The following ALS2 variants were observed in gnomAD, a reference collection of about 807,000 sequenced individuals.
The protein encoded by ALS2 is alsin Rho guanine nucleotide exchange factor ALS2, also known as alsin.
A neutral mutation model predicts 203.4 loss-of-function variants in ALS2; 117 were observed. The ratio of observed to expected loss-of-function variants is 0.58; its 90% CI spans 0.50 to 0.67. The LOEUF is 0.67. Among genes scored for constraint, ALS2 ranks in the 30% least tolerant of loss-of-function variants. The pLI, the probability that ALS2 is intolerant of heterozygous loss-of-function variation, is 0.00. For synonymous variants in ALS2, 718 were observed against 725.9 expected, an observed-to-expected ratio of 0.99 and a Z score of 0.17; for missense variants, 1,715 against 1,989.4, an observed-to-expected ratio of 0.86 and a Z score of 2.62.
intron 12 of ALS2, among the ~76,000 whole-genome samples, chr2:201,736,015 T>C (rs968682900): frequency 2.0e-5 from 3 of 152,158 alleles, no homozygotes; most frequent in Non-Finnish European, 2.9e-5. Flanking sequence ...TGATTCAGCA[T>C]TTCACCAACA....
chr2:201,763,557 T>C (rs6435104), intron 3 of ALS2: 295,324 of 322,802 alleles, frequency 0.91, 135,685 homozygotes, highest in East Asian at 1. Flanking sequence ...ACCCAGGCTC[T>C]AGCTGTGGCT....
chr2:201,776,205 G>C (rs1336785812), intron 1 of ALS2, among the ~76,000 whole-genome samples: 1 of 152,210 alleles, frequency 6.6e-6, no homozygotes. Context: ...ACTCAGAGAA[G>C]TGTTCCTTTC....
intron 1 of ALS2, among the ~76,000 whole-genome samples, chr2:201,773,283 G>A (rs193071200): frequency 1.5e-3 from 226 of 152,196 alleles, no homozygotes; most frequent in Middle Eastern, 6.8e-3. Flanking sequence ...ATACTCCATC[G>A]GCTCATCTTC....
chr2:201,705,737 T>G (rs986487341), intron 29 of ALS2, among the ~76,000 whole-genome samples: 1 of 152,100 alleles, frequency 6.6e-6, no homozygotes, highest in Non-Finnish European at 1.5e-5. Flanking sequence ...TACTGAATTA[T>G]TCCACTGAAA....
Position 201,761,829 on chromosome 2 carries a change from A to G in ALS2, c.176-11T>C. 1 of 1,612,866 alleles carries G rather than the reference A, an allele frequency of 6.2e-7. No individual in the cohort carries two copies. The highest frequency in any genetic ancestry group is 8.5e-7 in the Non-Finnish European group (1 of 1,179,802). On this transcript the variant is annotated splice_polypyrimidine_tract_variant and intron_variant, in intron 3 of 33. Coordinates refer to ENST00000264276, the MANE Select transcript of ALS2 (RefSeq NM_020919.4). The stretch of plus-strand genomic sequence containing the variant: ...TGTAGACCTCACCATCTGAAGGTTA[A>G]AAAAAAGAAAAAAGAAAAAAAAAAG...
rs1323252803 is a variant in ALS2, at chr2:201,746,691, A to T, written c.1873T>A (p.Leu625Ile). The T allele has an allele frequency of 2.5e-6, 4 of 1,614,134 alleles. No individual in the cohort carries two copies. The highest frequency in any genetic ancestry group is 3.4e-6 in the Non-Finnish European group (4 of 1,180,028). Reference sequence around the variant, plus strand: ...GGCTGGAAGTCTTCTGTATCCACTAAAAACAGGGAATAATCCCTGCCTGCA... The same window carrying T: ...GGCTGGAAGTCTTCTGTATCCACTATAAACAGGGAATAATCCCTGCCTGCA... Reference protein sequence around the residue: ...IAAGRDYSLFLVDTEDFQPGL... With the variant: ...IAAGRDYSLFIVDTEDFQPGL... Residue 625 changes from leucine (L) to isoleucine (I), a missense_variant, in exon 9 of 34, where the codon TTA (leucine) becomes ATA (isoleucine). Coordinates refer to ENST00000264276, the MANE Select transcript of ALS2 (RefSeq NM_020919.4).
At chr2:201,708,073 T>C in intron 27 of ALS2, 82 bp from the exon 28 acceptor site, 1 of 1,339,738 alleles carries the variant, frequency 7.5e-7, no homozygotes, top group East Asian at 2.4e-5. Flanking sequence ...CCATTAGTTA[T>C]GAGAGCAAGC....
chr2:201,727,756 A>C lies in ALS2; in HGVS notation c.2861T>G (p.Phe954Cys). The C allele has an allele frequency of 6.4e-7, 1 of 1,551,700 alleles. No homozygotes were observed. Among genetic ancestry groups the C allele is most frequent in the Non-Finnish European group, 8.7e-7 (1 of 1,146,994 alleles). Reference sequence around the variant, plus strand: ...CTCTGCCCACAGCGTGGCCAGAGGGAAAACATGGTGCGTGGAGAACTGAAA... The same window carrying C: ...CTCTGCCCACAGCGTGGCCAGAGGGCAAACATGGTGCGTGGAGAACTGAAA... Reference protein sequence around the residue: ...VHAQFSTHHVFPLATLWAEPL... With the variant: ...VHAQFSTHHVCPLATLWAEPL... Residue 954 changes from phenylalanine (F) to cysteine (C), a missense_variant, in exon 16 of 34, where the codon TTC becomes TGC. Physicochemically the swap from Phe to Cys is radical, Grantham distance 205. Coordinates refer to ENST00000264276, the MANE Select transcript of ALS2 (RefSeq NM_020919.4).
At chr2:201,747,777 AG>A (rs1398898590) in intron 8 of ALS2, among the ~76,000 whole-genome samples, 1 of 152,084 alleles carries the variant, frequency 6.6e-6, no homozygotes, top group African/African-American at 2.4e-5. Flanking sequence ...AGCACTCCAC[AG>A]GTGATTCTGA....
Position 201,746,671 on chromosome 2 carries a change from G to A in ALS2, c.1893C>T (p.Phe631=), listed in dbSNP as rs755789801. The A allele has an allele frequency of 4.3e-6, 7 of 1,614,132 alleles. No homozygotes were observed. The highest frequency in any genetic ancestry group is 5.9e-6 in the Non-Finnish European group (7 of 1,180,018). ...GGCCACTGTAATATAACCCAGGCTG[G>A]AAGTCTTCTGTATCCACTAAAAACA... The part of the protein sequence containing the change: ...YSLFLVDTED[F]QPGLYYSGRQ... Residue 631 remains phenylalanine (F), a synonymous_variant, in exon 9 of 34, where the codon TTC becomes TTT. Transcript: ENST00000264276.
chr2:201,774,411 T>C (rs1043279352), intron 1 of ALS2, among the ~76,000 whole-genome samples: 32 of 152,226 alleles, frequency 2.1e-4, no homozygotes, highest in African/African-American at 7.5e-4. Flanking sequence ...CATATGATGG[T>C]ACCTGGAAGT....
chr2:201,717,936 C>A, intron 24 of ALS2, 141 bp downstream of exon 24: 1 of 850,490 alleles, frequency 1.2e-6, no homozygotes, highest in African/African-American at 1.7e-5. Context: ...GACACCCTGT[C>A]TCAAAAAATA....
intron 24 of ALS2, among the ~76,000 whole-genome samples, chr2:201,716,908 C>T (rs2105984534): frequency 6.6e-6 from 1 of 151,908 alleles, no homozygotes; most frequent in East Asian, 1.9e-4. Context: ...GAGGTGCTAC[C>T]AAATATAATA....
At chr2:201,768,693 A>C (rs980705151) in intron 2 of ALS2, among the ~76,000 whole-genome samples, 173 bp downstream of exon 2, 8 of 152,214 alleles carry the variant, frequency 5.3e-5, no homozygotes, top group African/African-American at 1.9e-4. Context: ...CAAAGCTTAC[A>C]ACTAACAAGC....
At chr2:201,726,333 C>T (rs1050094267) in intron 19 of ALS2, 151 bp downstream of exon 19, 23 of 762,094 alleles carry the variant, frequency 3.0e-5, no homozygotes, top group Admixed American at 2.0e-5. Flanking sequence ...CCCCTCACTC[C>T]TGGCTCTCTT....
rs984605201 is a variant in ALS2, at chr2:201,727,629, C to CT, written c.2912+75dup. Reference sequence around the variant, plus strand: ...AGACTGTCTCCGAAGCCTTCCTGAGCTTTTTTTCACATTTAAGGAAGCAAC... The same window carrying CT: ...AGACTGTCTCCGAAGCCTTCCTGAGCTTTTTTTTCACATTTAAGGAAGCAAC... On this transcript the variant is annotated intron_variant, in intron 16 of 33. Coordinates refer to ENST00000264276, the MANE Select transcript of ALS2 (RefSeq NM_020919.4). The CT allele has an allele frequency of 4.7e-5, 53 of 1,126,376 alleles. No individual in the cohort carries two copies. The African/African-American group carries it at 6.8e-4, about 14-fold the overall frequency. 69.8% of individuals were successfully genotyped at this position (1,126,376 alleles called of 1,614,324 possible).
chr2:201,756,941 AAGG>A (rs1416797478), intron 5 of ALS2, among the ~76,000 whole-genome samples: 1 of 152,240 alleles, frequency 6.6e-6, no homozygotes, highest in African/African-American at 2.4e-5. Context: ...TGATTGAGAA[AAGG>A]AGAAGAACCA....
intron 23 of ALS2, among the ~76,000 whole-genome samples, chr2:201,720,601 T>C (rs1173320838): frequency 6.7e-6 from 1 of 148,450 alleles, no homozygotes; most frequent in East Asian, 2.0e-4. Flanking sequence ...ATAGTCCCAG[T>C]TACTTGGGGG....
At chr2:201,726,057 T>C (rs1048659624) in intron 19 of ALS2, among the ~76,000 whole-genome samples, 3 of 152,212 alleles carry the variant, frequency 2.0e-5, no homozygotes. Context: ...TGAGATAATA[T>C]AGCACTTGGA....
Sources: allele counts gnomAD v4.1 joint callset (sites outside exome capture counted in the v4.1 genomes callset), GRCh38; gene constraint gnomAD v4.1.1; transcripts MANE v1.5; gene names NCBI Gene and HGNC (gene_info 2026-07-23, HGNC 2026-07-21).